DENND5B: variants seen among roughly 807,000 people sequenced by gnomAD.
DENND5B encodes DENN domain containing 5B, also known as DENN domain-containing protein 5B.
A neutral mutation model predicts 140.6 loss-of-function variants in DENND5B; 34 were observed. The observed-to-expected ratio is 0.24, with a 90% CI of 0.18 to 0.32. DENND5B has a LOEUF of 0.32. Among genes scored for constraint, DENND5B ranks in the 10% least tolerant of loss-of-function variants. The pLI is 1.00. For missense variants in DENND5B, 1,142 were observed against 1,560.2 expected (o/e 0.73, Z 4.52); for synonymous variants, 551 against 562.1 (o/e 0.98, Z 0.28).
intron 7 of DENND5B, among the ~76,000 whole-genome samples, chr12:31,441,536 A>C (rs933545125): frequency 2.0e-5 from 3 of 151,080 alleles, no homozygotes; most frequent in Non-Finnish European, 4.4e-5. Flanking sequence ...CAGGCTGGAT[A>C]ATAGTGGTGA....
intron 13 of DENND5B, among the ~76,000 whole-genome samples, chr12:31,411,790 T>C (rs1942475444): frequency 6.6e-6 from 1 of 152,170 alleles, no homozygotes; most frequent in Admixed American, 6.6e-5. Flanking sequence ...GGGTATGTAA[T>C]CCAAGTGTGA....
chr12:31,498,726 A>G (rs1194469241), intron 1 of DENND5B, among the ~76,000 whole-genome samples: 1 of 152,068 alleles, frequency 6.6e-6, no homozygotes, highest in Non-Finnish European at 1.5e-5. Context: ...TAATCCTAGC[A>G]CTTTGGGAGG....
Position 31,415,462 on chromosome 12 carries a change from T to C in DENND5B, c.2471-14A>G, listed in dbSNP as rs1942684248. 2 of 1,578,212 alleles carry C rather than the reference T, an allele frequency of 1.3e-6. No homozygotes were observed. Among genetic ancestry groups the C allele is most frequent in the Non-Finnish European group, 1.7e-6 (2 of 1,158,744 alleles). On this transcript the variant is annotated splice_polypyrimidine_tract_variant and intron_variant, in intron 11 of 20. Transcript: ENST00000389082. Reference sequence around the variant, plus strand: ...GTCCGAGGGCAACTATGTAGAAAAATATCAACAAAATATTAGAAAAGTAAT... The same window carrying C: ...GTCCGAGGGCAACTATGTAGAAAAACATCAACAAAATATTAGAAAAGTAAT...
intron 1 of DENND5B, among the ~76,000 whole-genome samples, chr12:31,557,595 T>C (rs1949333712): frequency 6.6e-6 from 1 of 152,070 alleles, no homozygotes; most frequent in African/African-American, 2.4e-5. Context: ...TCACCCAGGC[T>C]GATCTCGAAC....
At chr12:31,497,675 T>C (rs1466016199) in intron 1 of DENND5B, among the ~76,000 whole-genome samples, 1 of 146,322 alleles carries the variant, frequency 6.8e-6, no homozygotes, top group Non-Finnish European at 1.5e-5. Flanking sequence ...CTCATGCCTG[T>C]AATCCCAGCA....
At chr12:31,410,912 T>C (rs986369885) in intron 13 of DENND5B, among the ~76,000 whole-genome samples, 1 of 152,200 alleles carries the variant, frequency 6.6e-6, no homozygotes, top group Non-Finnish European at 1.5e-5. Flanking sequence ...TAGTGTATCT[T>C]AATAAGAGAA....
At chr12:31,502,033 C>A (rs1565644058) in intron 1 of DENND5B, among the ~76,000 whole-genome samples, 1 of 151,522 alleles carries the variant, frequency 6.6e-6, no homozygotes, top group East Asian at 2.0e-4. Flanking sequence ...TATATTCAAT[C>A]TTGCCGGGCG....
At chr12:31,462,351 GC>G (rs1363967920) in intron 3 of DENND5B, among the ~76,000 whole-genome samples, 1 of 151,572 alleles carries the variant, frequency 6.6e-6, no homozygotes, top group Non-Finnish European at 1.5e-5. Flanking sequence ...TATCCCAGGG[GC>G]GGGGGCGGGG....
Position 31,460,062 on chromosome 12 carries a change from C to G in DENND5B, c.1092+132G>C. On this transcript the variant is annotated intron_variant, in intron 4 of 20. Transcript: ENST00000389082. ...TGCATTCTATAGCTCAGGCTCTCCC[C>G]TAGCCATACTTGGAGATTTAGGAGA... The G allele has an allele frequency of 2.6e-5, 22 of 862,360 alleles. No homozygotes were observed. The South Asian group carries it at 3.8e-4, about 15-fold the overall frequency. 53.4% of individuals were successfully genotyped at this position (862,360 alleles called of 1,614,324 possible).
Position 31,386,937 on chromosome 12 carries a change from T to G in DENND5B, c.*666A>C, listed in dbSNP as rs965749192. ...TTTCTCAGAGCTTTGTATGTTCTCTTTCCAGTTCAGCCAAGCTCCTGGGGT... is the reference window on the plus strand; with the variant it reads ...TTTCTCAGAGCTTTGTATGTTCTCTGTCCAGTTCAGCCAAGCTCCTGGGGT... On this transcript the variant is annotated 3_prime_UTR_variant, in exon 21 of 21. Transcript: ENST00000389082. 2.0e-5 allele frequency: 3 copies of G among 152,240 alleles called. No homozygotes were observed. The highest frequency in any genetic ancestry group is 2.9e-5 in the Non-Finnish European group (2 of 68,044). The allele number at this position is 152,240 out of a possible 1,614,324, so 9.4% of individuals were successfully genotyped here.
intron 1 of DENND5B, among the ~76,000 whole-genome samples, chr12:31,519,756 T>C (rs1371856271): frequency 2.0e-5 from 3 of 152,246 alleles, no homozygotes; most frequent in Admixed American, 6.5e-5. Context: ...CTGCAACAGA[T>C]AAGCATGCTT....
At chr12:31,548,989 G>A (rs1049071928) in intron 1 of DENND5B, among the ~76,000 whole-genome samples, 1 of 152,072 alleles carries the variant, frequency 6.6e-6, no homozygotes, top group African/African-American at 2.4e-5. Context: ...TTGAACCCCT[G>A]AGCTCAAGTG....
At chr12:31,556,069 C>T (rs1949270569) in intron 1 of DENND5B, among the ~76,000 whole-genome samples, 2 of 152,244 alleles carry the variant, frequency 1.3e-5, no homozygotes, top group Non-Finnish European at 2.9e-5. Flanking sequence ...CTGTCCTGCA[C>T]CTACTGTCTG....
chr12:31,387,392 TA>T lies in DENND5B; in HGVS notation c.*210del, dbSNP rs1227226949. 4.1e-6 allele frequency: 2 copies of T among 489,128 alleles called. No individual in the cohort carries two copies. The highest frequency in any genetic ancestry group is 7.2e-6 in the Non-Finnish European group (2 of 276,532). The allele number at this position is 489,128 out of a possible 1,614,324, so 30.3% of individuals were successfully genotyped here. ...AGAAGATAGCATATTTACACACATC[TA>T]ACACATGAAAATACTCTATTTTATA... On this transcript the variant is annotated 3_prime_UTR_variant, in exon 21 of 21. Transcript: ENST00000389082.
At chr12:31,560,141 C>G (rs1218586260) in intron 1 of DENND5B, among the ~76,000 whole-genome samples, 1 of 152,118 alleles carries the variant, frequency 6.6e-6, no homozygotes, top group East Asian at 1.9e-4. Context: ...TCTCTTAACT[C>G]CAGACTCATA....
intron 3 of DENND5B, among the ~76,000 whole-genome samples, chr12:31,466,172 G>T (rs549862262): frequency 5.3e-5 from 8 of 152,144 alleles, no homozygotes; most frequent in African/African-American, 1.9e-4. Context: ...GGCCAACATG[G>T]TGAAACCCCG....
intron 1 of DENND5B, among the ~76,000 whole-genome samples, chr12:31,522,126 C>A (rs1464094015): frequency 6.6e-6 from 1 of 152,206 alleles, no homozygotes; most frequent in Non-Finnish European, 1.5e-5. Flanking sequence ...TCCTTGCCCA[C>A]TTAGCAAACA....
chr12:31,451,540 G>C (rs1944524978), intron 5 of DENND5B, among the ~76,000 whole-genome samples: 1 of 152,078 alleles, frequency 6.6e-6, no homozygotes, highest in African/African-American at 2.4e-5. Context: ...GGCCAGGCTG[G>C]TCTCAAACTC....
chr12:31,482,718 T>G (rs1202847993), intron 2 of DENND5B, among the ~76,000 whole-genome samples: 3 of 152,086 alleles, frequency 2.0e-5, no homozygotes, highest in Non-Finnish European at 4.4e-5. Flanking sequence ...CAGAAAGTAA[T>G]TGTTTTGATC....
Sources: allele counts gnomAD v4.1 joint callset (sites outside exome capture counted in the v4.1 genomes callset), GRCh38; gene constraint gnomAD v4.1.1; transcripts MANE v1.5; gene names NCBI Gene and HGNC (gene_info 2026-07-23, HGNC 2026-07-21).